PPFIA1: variants seen among roughly 807,000 people sequenced by gnomAD.
PPFIA1 encodes liprin-alpha-1.
PPFIA1 carries 25 observed loss-of-function variants against 149.9 expected under a neutral mutation model. That is an observed-to-expected ratio of 0.17 (90% confidence interval 0.12 to 0.23). PPFIA1 has a LOEUF of 0.23. Ranked by LOEUF, PPFIA1 falls within the 10% of genes least tolerant of loss-of-function variation. PPFIA1 has a pLI of 1.00. For missense variants in PPFIA1, 1,362 were observed against 1,506.5 expected (o/e 0.90, Z 1.59); for synonymous variants, 549 against 552.8 (o/e 0.99, Z 0.10).
intron 9 of PPFIA1, chr11:70,333,190 C>T (rs1693245246): frequency 1.3e-5 from 7 of 536,422 alleles, no homozygotes; most frequent in South Asian, 4.7e-5. Flanking sequence ...GGGAGAATCA[C>T]GACTCCATTG....
At position 70,372,241 on chromosome 11, in the gene PPFIA1, C is replaced by T. The variant is rs115304320; in HGVS notation, c.2892C>T (p.His964=). ...CACTCGCCTATGGGGACATGAACCA[C>T]GAGTGGATCGGCAACGAGTGGCTCC... is the stretch of plus-strand genomic sequence containing the variant. ...RTTLAYGDMN[H]EWIGNEWLPS... is the part of the protein sequence containing the mutation. The change falls in exon 22 of 28, where the codon CAC becomes CAT. Residue 964 remains histidine (H), a synonymous_variant. Coordinates refer to ENST00000253925, the MANE Select transcript of PPFIA1 (RefSeq NM_003626.5). 1.5e-3 allele frequency: 2,420 copies of T among 1,614,096 alleles called. 28 individuals are homozygous for T. The African/African-American group carries it at 0.027, about 18-fold the overall frequency.
chr11:70,305,218 CA>C (rs890500364), intron 2 of PPFIA1, among the ~76,000 whole-genome samples: 1 of 150,888 alleles, frequency 6.6e-6, no homozygotes, highest in Non-Finnish European at 1.5e-5. Flanking sequence ...GTTGCCACAG[CA>C]AAAAAAGGGG....
intron 11 of PPFIA1, among the ~76,000 whole-genome samples, chr11:70,336,534 T>C (rs954006886): frequency 2.0e-5 from 3 of 151,876 alleles, no homozygotes; most frequent in Non-Finnish European, 2.9e-5. Context: ...TTAATTTCTG[T>C]CTCATTTATA....
intron 19 of PPFIA1, among the ~76,000 whole-genome samples, chr11:70,356,964 C>A (rs997982688): frequency 1.3e-5 from 2 of 151,984 alleles, no homozygotes; most frequent in African/African-American, 4.8e-5. Flanking sequence ...ATTGTGATGC[C>A]CCAGGGTGAG....
chr11:70,329,335 C>T (rs2054518361), intron 7 of PPFIA1, among the ~76,000 whole-genome samples: 1 of 152,150 alleles, frequency 6.6e-6, no homozygotes, highest in Admixed American at 6.5e-5. Flanking sequence ...TTAAGAGAGA[C>T]AAGTCTTTGT....
At chr11:70,380,256 C>A (rs1386842893) in intron 26 of PPFIA1, among the ~76,000 whole-genome samples, 1 of 144,550 alleles carries the variant, frequency 6.9e-6, no homozygotes, top group Non-Finnish European at 1.5e-5. Flanking sequence ...CGTGGTGAAA[C>A]CCTGTCTCTA....
At chr11:70,363,402 A>T (rs1245471759) in intron 21 of PPFIA1, 1 of 152,244 alleles carries the variant, frequency 6.6e-6, no homozygotes, top group African/African-American at 2.4e-5. Flanking sequence ...TATGTCTGTG[A>T]ATTCATCCGT....
chr11:70,302,855 T>A (rs761602350), intron 2 of PPFIA1, among the ~76,000 whole-genome samples: 13 of 151,706 alleles, frequency 8.6e-5, no homozygotes, highest in Non-Finnish European at 1.3e-4. Flanking sequence ...GCAATCCTCC[T>A]GCCTCGGTGT....
rs761573726 is a variant in PPFIA1 at position 70,335,656 on chromosome 11, C to A, written c.1390C>A (p.Leu464Ile). Residue 464 changes from leucine to isoleucine, a missense_variant, in exon 11 of 28, where the codon CTT (leucine) becomes ATT (isoleucine). This residue lies in a region of PPFIA1 where 733 missense variants were observed against 744.1 expected (regional missense o/e 0.99). Coordinates refer to ENST00000253925, the MANE Select transcript of PPFIA1 (RefSeq NM_003626.5). ...LLSESNERLQ[L>I]HLKERMAALE... The stretch of plus-strand genomic sequence containing the variant: ...TTCAGAATCTAATGAGAGGCTTCAA[C>A]TTCATCTTAAAGAGAGAATGGCTGC... 4 of 1,614,100 alleles carry A rather than the reference C, an allele frequency of 2.5e-6. No homozygotes were observed. Among genetic ancestry groups the A allele is most frequent in the Non-Finnish European group, 2.5e-6 (3 of 1,179,992 alleles).
chr11:70,298,884 G>A (rs1367266899), intron 2 of PPFIA1, among the ~76,000 whole-genome samples: 2 of 152,218 alleles, frequency 1.3e-5, no homozygotes, highest in African/African-American at 4.8e-5. Flanking sequence ...TAGAGGGTAA[G>A]TGTCTAGATA....
Position 70,305,280 on chromosome 11 carries a change from G to A in PPFIA1, c.265-19122G>A, listed in dbSNP as rs549664530. The stretch of plus-strand genomic sequence containing the variant: ...GGAAATGTTTGAAATGCATGTGATA[G>A]AACTCTAGGTGGGAAATTGGCTTGT... On this transcript the variant is annotated intron_variant, in intron 2 of 27. Coordinates refer to ENST00000253925, the MANE Select transcript of PPFIA1 (RefSeq NM_003626.5). Among the ~76,000 whole-genome samples, 3 of 152,304 alleles carry A rather than the reference G, an allele frequency of 2.0e-5. No homozygotes were observed. The East Asian group carries it at 5.8e-4, about 29-fold the overall frequency.
In PPFIA1 at chr11:70,270,930, A is replaced by G. The variant is rs952433712; in HGVS notation, c.-1+16A>G. On this transcript the variant is annotated intron_variant, in intron 1 of 27. Transcript: ENST00000253925. ...GGCGAGCAAGGTAAGGGAGCGGGAC[A>G]CTGAGGCAGGCTCGGGGCCCAGGCG... 2 of 151,440 alleles carry G rather than the reference A, an allele frequency of 1.3e-5. No individual in the cohort carries two copies. Among genetic ancestry groups the G allele is most frequent in the African/African-American group, 4.8e-5 (2 of 41,330 alleles). 9.4% of individuals were successfully genotyped at this position (151,440 alleles called of 1,614,324 possible).
intron 2 of PPFIA1, among the ~76,000 whole-genome samples, chr11:70,305,033 A>G (rs999205078): frequency 5.9e-5 from 9 of 152,104 alleles, no homozygotes; most frequent in Admixed American, 3.3e-4. Context: ...ATCACCAGGC[A>G]TGACCACCGT....
intron 15 of PPFIA1, among the ~76,000 whole-genome samples, chr11:70,345,635 C>T (rs1485389182): frequency 6.6e-6 from 1 of 151,698 alleles, no homozygotes; most frequent in Non-Finnish European, 1.5e-5. Context: ...CCAGCCTTGG[C>T]AACATAGGAA....
At chr11:70,353,145 T>C (rs1318334359) in intron 16 of PPFIA1, among the ~76,000 whole-genome samples, 2 of 152,222 alleles carry the variant, frequency 1.3e-5, no homozygotes, top group Admixed American at 6.5e-5. Context: ...TTGAATGCAC[T>C]TGGTCCTCCC....
chr11:70,348,048 T>A (rs960012448), intron 15 of PPFIA1, 141 bp from the exon 16 acceptor site: 18 of 634,636 alleles, frequency 2.8e-5, no homozygotes, highest in African/African-American at 2.8e-4. Context: ...TAGAACATTT[T>A]TGCTGAAGTG....
chr11:70,324,419 T>C lies in PPFIA1; in HGVS notation c.282T>C (p.Thr94=). Residue 94 remains threonine (T), a synonymous_variant, in exon 3 of 28, where the codon ACT becomes ACC. Coordinates refer to ENST00000253925, the MANE Select transcript of PPFIA1 (RefSeq NM_003626.5). Reference sequence around the variant, plus strand: ...TTTTCTAGGAGTTCGCAGCACTTACTAAAGAACTCAATGTATGCAGGGAAC... The same window carrying C: ...TTTTCTAGGAGTTCGCAGCACTTACCAAAGAACTCAATGTATGCAGGGAAC... ...TALPQEFAAL[T]KELNVCREQL... is the part of the protein sequence containing the mutation. 1.2e-6 allele frequency: 2 copies of C among 1,610,752 alleles called. No homozygotes were observed. The highest frequency in any genetic ancestry group is 1.7e-4 in the Middle Eastern group (1 of 6,042).
chr11:70,373,695 C>G (rs2057368533), intron 23 of PPFIA1: 1 of 152,222 alleles, frequency 6.6e-6, no homozygotes, highest in Non-Finnish European at 1.5e-5. Flanking sequence ...GGGTTGCTTT[C>G]TTTCATCTTT....
chr11:70,335,482 C>A, intron 10 of PPFIA1, 81 bp from the exon 11 acceptor site: 2 of 1,527,896 alleles, frequency 1.3e-6, no homozygotes, highest in Non-Finnish European at 1.8e-6. Flanking sequence ...ACATGGGGCT[C>A]ACCCTGTTGG....
Sources: gnomAD v4.1 joint callset for allele counts (sites outside exome capture counted in the v4.1 genomes callset) on GRCh38, gnomAD v4.1.1 for gene constraint, gnomAD v4.1.1 regional missense constraint, MANE v1.5 for transcripts, NCBI Gene and HGNC (gene_info 2026-07-23, HGNC 2026-07-21) for gene names.